The following VPS45 variants were observed in gnomAD, a reference collection of about 807,000 sequenced individuals.
The protein encoded by VPS45 is vacuolar protein sorting 45 homolog.
VPS45 carries 35 observed loss-of-function variants against 75.9 expected under a neutral mutation model. That is an observed-to-expected ratio of 0.46 (90% CI 0.35 to 0.61). The LOEUF (loss-of-function observed/expected upper bound fraction) is 0.61, where lower values mean the gene tolerates loss of function less well. Among genes scored for constraint, VPS45 ranks in the 20% least tolerant of loss-of-function variants. The probability of loss-of-function intolerance (pLI) is 0.00; values close to 1 mark genes in which losing one functional copy is unlikely to be tolerated. For synonymous variants in VPS45, 220 were observed against 238.2 expected (o/e 0.92, Z 0.70); for missense variants, 559 against 685.9 (o/e 0.81, Z 2.07).
At chr1:150,084,385 GACTT>G (rs1655893430) in intron 10 of VPS45, among the ~76,000 whole-genome samples, 2 of 152,148 alleles carry the variant, frequency 1.3e-5, no homozygotes, top group Admixed American at 1.3e-4. Flanking sequence ...GAGACTTGTA[GACTT>G]ACAGTGATAG....
At chr1:150,073,335 C>A (rs1553797415) in intron 3 of VPS45, among the ~76,000 whole-genome samples, 1 of 152,112 alleles carries the variant, frequency 6.6e-6, no homozygotes. Context: ...TACATACTTT[C>A]TTCAGCGTAT....
intron 7 of VPS45, 143 bp from the exon 8 acceptor site, chr1:150,081,199 A>G (rs1655681299): frequency 1.2e-6 from 1 of 804,094 alleles, no homozygotes; most frequent in Non-Finnish European, 1.8e-6. Context: ...CTTATAGCAC[A>G]AAGTATGAAT....
chr1:150,128,310 A>AAAAAAAG (rs1411776355), intron 14 of VPS45, among the ~76,000 whole-genome samples: 28 of 151,614 alleles, frequency 1.8e-4, no homozygotes, highest in African/African-American at 6.1e-4. Flanking sequence ...CTTAAAAAAA[A>AAAAAAAG]AAAGAAAATT....
chr1:150,104,656 C>T (rs1657221099), intron 13 of VPS45, among the ~76,000 whole-genome samples: 1 of 152,132 alleles, frequency 6.6e-6, no homozygotes, highest in African/African-American at 2.4e-5. Flanking sequence ...CTCACTGCAG[C>T]CTTCCCAGGC....
chr1:150,112,926 G>A (rs1657724943), intron 14 of VPS45, among the ~76,000 whole-genome samples: 1 of 152,092 alleles, frequency 6.6e-6, no homozygotes, highest in Non-Finnish European at 1.5e-5. Context: ...TATAGGGGTG[G>A]GGTGTGGAGT....
chr1:150,079,414 G>A (rs1324620687), intron 7 of VPS45, among the ~76,000 whole-genome samples: 1 of 152,042 alleles, frequency 6.6e-6, no homozygotes, highest in Non-Finnish European at 1.5e-5. Flanking sequence ...TTTTGTATGT[G>A]TGTATGTATT....
intron 13 of VPS45, among the ~76,000 whole-genome samples, chr1:150,100,838 T>C (rs1441023073): frequency 6.6e-6 from 1 of 152,098 alleles, no homozygotes; most frequent in Non-Finnish European, 1.5e-5. Context: ...AACTCAAGAT[T>C]GATTAAAGAC....
chr1:150,095,760 A>G lies in VPS45; in HGVS notation c.1493+2112A>G, dbSNP rs117827221. ...CCTGCTTGGCTGGAGCATAGTGAAT[A>G]AGGAGGAAATAAGAGGTTGAAAGAT... On this transcript the variant is annotated intron_variant, in intron 13 of 14. Transcript: ENST00000644510. 4.0e-4 allele frequency among the ~76,000 whole-genome samples: 61 copies of G among 152,298 alleles called. 1 individual carries two copies. The East Asian group carries it at 0.011, about 28-fold the overall frequency.
rs1571803153 is a variant in VPS45, at chr1:150,067,863, C to T, written c.6C>T (p.Asn2=). The T allele has an allele frequency of 1.2e-6, 2 of 1,613,968 alleles. No homozygotes were observed. Among genetic ancestry groups the T allele is most frequent in the South Asian group, 1.1e-5 (1 of 91,070 alleles). Residue 2 remains asparagine, a synonymous_variant, in exon 1 of 15, where the codon AAC becomes AAT. Transcript: ENST00000644510. M[N]VVFAVKQYIS... is the part of the protein sequence containing the mutation. ...GTACTTGTCAATTCGCCGCCATGAA[C>T]GTGGTTTTTGCTGTGAAGCAGTACA...
chr1:150,124,716 A>ATTT (rs58720904), intron 14 of VPS45, among the ~76,000 whole-genome samples: 11,284 of 138,534 alleles, frequency 0.081, 1,253 homozygotes, highest in African/African-American at 0.24. Context: ...CACCTGGCTA[A>ATTT]TTTTTTTTTT....
intron 14 of VPS45, among the ~76,000 whole-genome samples, chr1:150,115,786 G>C (rs1276038081): frequency 2.0e-5 from 3 of 151,952 alleles, no homozygotes; most frequent in Non-Finnish European, 2.9e-5. Context: ...TTTCAGTGAG[G>C]GTCTCTATAT....
intron 14 of VPS45, among the ~76,000 whole-genome samples, chr1:150,124,746 A>C (rs1424136569): frequency 5.4e-5 from 8 of 148,150 alleles, no homozygotes; most frequent in African/African-American, 2.0e-4. Context: ...TTTAGTAGAG[A>C]TGGGGTTTCA....
chr1:150,093,490 C>T, intron 12 of VPS45, 37 bp from the exon 13 acceptor site: 1 of 1,597,504 alleles, frequency 6.3e-7, no homozygotes, highest in Non-Finnish European at 8.5e-7. Flanking sequence ...TGCCAATTTC[C>T]CAAAAATGAC....
chr1:150,093,467 T>G, intron 12 of VPS45, 60 bp from the exon 13 acceptor site: 1 of 1,583,372 alleles, frequency 6.3e-7, no homozygotes, highest in Non-Finnish European at 8.6e-7. Context: ...ATGAATATTA[T>G]TAATTCTTGT....
At chr1:150,091,915 T>C (rs1553801954) in intron 10 of VPS45, 22 bp from the exon 11 acceptor site, 1 of 1,607,614 alleles carries the variant, frequency 6.2e-7, no homozygotes, top group South Asian at 1.1e-5. Flanking sequence ...GGGGGATAAA[T>C]ATAAGTTCTA....
chr1:150,068,795 A>G, intron 2 of VPS45, 31 bp downstream of exon 2: 1 of 1,551,106 alleles, frequency 6.4e-7, no homozygotes. Context: ...CCATCTGCCC[A>G]GGCAGATGCA....
chr1:150,110,797 A>G (rs149678730), intron 14 of VPS45, among the ~76,000 whole-genome samples, 170 bp downstream of exon 14: 197 of 152,352 alleles, frequency 1.3e-3, no homozygotes, highest in Non-Finnish European at 2.0e-3. Flanking sequence ...GAAAGGATCT[A>G]TAGTAGTTAA....
chr1:150,122,834 A>T (rs966193585), intron 14 of VPS45, among the ~76,000 whole-genome samples: 3 of 151,786 alleles, frequency 2.0e-5, no homozygotes, highest in Non-Finnish European at 2.9e-5. Flanking sequence ...CCCCATTTGT[A>T]CTACAAATAC....
chr1:150,090,085 C>T (rs587766627), intron 10 of VPS45, among the ~76,000 whole-genome samples: 2 of 152,284 alleles, frequency 1.3e-5, no homozygotes, highest in East Asian at 3.9e-4. Flanking sequence ...AGATAATGTA[C>T]GTGAAAGCAT....
Sources: gnomAD v4.1 joint callset for allele counts (sites outside exome capture counted in the v4.1 genomes callset) on GRCh38, gnomAD v4.1.1 for gene constraint, MANE v1.5 for transcripts, NCBI Gene and HGNC (gene_info 2026-07-23, HGNC 2026-07-21) for gene names.